PTPRD: variants seen among roughly 807,000 people sequenced by gnomAD.
PTPRD encodes the protein receptor-type tyrosine-protein phosphatase delta.
Under a neutral mutation model 214.5 loss-of-function variants are expected in PTPRD, and 34 were observed. The ratio of observed to expected loss-of-function variants is 0.16; its 90% CI spans 0.12 to 0.21. The LOEUF (loss-of-function observed/expected upper bound fraction) is 0.21. Among genes scored for constraint, PTPRD ranks in the 10% least tolerant of loss-of-function variants. The pLI is 1.00. For synonymous variants in PTPRD, 1,128 were observed against 845.7 expected, an observed-to-expected ratio of 1.33 and a Z score of -5.79; for missense variants, 2,545 against 2,398.7, an observed-to-expected ratio of 1.06 and a Z score of -1.27.
intron 7 of PTPRD, among the ~76,000 whole-genome samples, chr9:9,715,517 G>A (rs771758987): frequency 4.0e-5 from 6 of 151,812 alleles, no homozygotes; most frequent in Non-Finnish European, 8.8e-5. Context: ...AAATTAAGAT[G>A]GACAGTTTTA....
At chr9:9,981,211 T>C (rs912102633) in intron 4 of PTPRD, among the ~76,000 whole-genome samples, 2 of 152,156 alleles carry the variant, frequency 1.3e-5, no homozygotes, top group Non-Finnish European at 2.9e-5. Context: ...CGGCAGCAGG[T>C]AGAAGCAAGT....
At chr9:10,335,781 A>G (rs986803285) in intron 3 of PTPRD, among the ~76,000 whole-genome samples, 2 of 151,844 alleles carry the variant, frequency 1.3e-5, no homozygotes, top group African/African-American at 4.8e-5. Flanking sequence ...AAAATGGGCC[A>G]AAGACATTAA....
chr9:10,597,296 T>C (rs932338543), intron 2 of PTPRD, among the ~76,000 whole-genome samples: 3 of 151,716 alleles, frequency 2.0e-5, no homozygotes, highest in African/African-American at 4.8e-5. Context: ...ACTATCTTTA[T>C]ATCCTATAAT....
chr9:8,873,817 G>A (rs1484462602), intron 11 of PTPRD, among the ~76,000 whole-genome samples: 1 of 152,014 alleles, frequency 6.6e-6, no homozygotes, highest in African/African-American at 2.4e-5. Flanking sequence ...AAGAGAGGGA[G>A]GTAAGACACC....
At chr9:8,367,804 A>G (rs2080339788) in intron 39 of PTPRD, among the ~76,000 whole-genome samples, 1 of 152,218 alleles carries the variant, frequency 6.6e-6, no homozygotes, top group African/African-American at 2.4e-5. Context: ...AAAAGTCAGT[A>G]ACTGTAAACA....
chr9:9,884,462 A>G lies in PTPRD; in HGVS notation c.-368+54045T>C, dbSNP rs140693693. On this transcript the variant is annotated intron_variant, in intron 5 of 45. Coordinates refer to ENST00000381196, the MANE Select transcript of PTPRD (RefSeq NM_002839.4). ...AATATTATAGCAGAGCTCATTGTTT[A>G]CAAACATTTACCACCACCAAACTAA... Among the ~76,000 whole-genome samples the G allele has an allele frequency of 1.7e-3, 253 of 152,264 alleles. 2 individuals carry two copies. The highest frequency in any genetic ancestry group is 6.0e-3 in the African/African-American group (250 of 41,564).
At chr9:9,724,558 T>A (rs544164344) in intron 7 of PTPRD, among the ~76,000 whole-genome samples, 1 of 152,126 alleles carries the variant, frequency 6.6e-6, no homozygotes, top group Non-Finnish European at 1.5e-5. Context: ...AACTGTGAGG[T>A]CTTTACTCAA....
At chr9:10,054,370 T>C (rs12554283) in intron 3 of PTPRD, among the ~76,000 whole-genome samples, 4,846 of 152,256 alleles carry the variant, frequency 0.032, 139 homozygotes, top group Admixed American at 0.093. Context: ...AAGATTTGTT[T>C]TTAAAGATGG....
rs558318170 is a variant in PTPRD, at chr9:9,697,575, TG to T, written c.-287+36957del. ...CCAAAAAAATTGGAAGTCTCTCATA[TG>T]TTTTTTGCTTCTTTTCTCTTGTTGC... is the stretch of plus-strand genomic sequence containing the variant. On this transcript the variant is annotated intron_variant, in intron 7 of 45. Coordinates refer to ENST00000381196, the MANE Select transcript of PTPRD (RefSeq NM_002839.4). Among the ~76,000 whole-genome samples, 1,238 of 152,252 alleles carry T rather than the reference TG, an allele frequency of 8.1e-3. 15 individuals carry two copies. Among genetic ancestry groups the T allele is most frequent in the Non-Finnish European group, 9.9e-3 (670 of 67,988 alleles).
intron 9 of PTPRD, among the ~76,000 whole-genome samples, chr9:9,300,958 A>G (rs1427415817): frequency 2.6e-5 from 4 of 151,758 alleles, no homozygotes. Flanking sequence ...TGGATAATAC[A>G]CTTTTCCCAC....
At chr9:10,210,121 C>A (rs1008099101) in intron 3 of PTPRD, among the ~76,000 whole-genome samples, 1 of 152,058 alleles carries the variant, frequency 6.6e-6, no homozygotes, top group African/African-American at 2.4e-5. Flanking sequence ...AAAAAAATTT[C>A]AACTGAATTA....
intron 3 of PTPRD, among the ~76,000 whole-genome samples, chr9:10,226,599 A>T (rs2154352913): frequency 6.6e-6 from 1 of 152,166 alleles, no homozygotes; most frequent in African/African-American, 2.4e-5. Context: ...ACCAATATGG[A>T]TTTCAAGATG....
At chr9:9,898,091 A>G (rs1032498400) in intron 5 of PTPRD, among the ~76,000 whole-genome samples, 1 of 152,134 alleles carries the variant, frequency 6.6e-6, no homozygotes, top group African/African-American at 2.4e-5. Flanking sequence ...ACATAGAGAA[A>G]CTAAGGAATG....
At chr9:8,332,958 G>C (rs1407193342) in intron 43 of PTPRD, among the ~76,000 whole-genome samples, 1 of 152,096 alleles carries the variant, frequency 6.6e-6, no homozygotes, top group Non-Finnish European at 1.5e-5. Flanking sequence ...AAGGTTCTGG[G>C]TAAGTGAACA....
At chr9:10,286,103 A>G (rs1394621718) in intron 3 of PTPRD, among the ~76,000 whole-genome samples, 1 of 152,216 alleles carries the variant, frequency 6.6e-6, no homozygotes, top group Non-Finnish European at 1.5e-5. Context: ...TGTATTTTTA[A>G]ATCCATACAT....
intron 29 of PTPRD, 95 bp downstream of exon 29, chr9:8,485,132 A>C: frequency 9.6e-7 from 1 of 1,038,398 alleles, no homozygotes. Flanking sequence ...CGTGGCCAAA[A>C]CAAAGTGGTC....
chr9:9,724,556 G>C (rs2098040566), intron 7 of PTPRD, among the ~76,000 whole-genome samples: 1 of 152,072 alleles, frequency 6.6e-6, no homozygotes, highest in South Asian at 2.1e-4. Context: ...TCAACTGTGA[G>C]GTCTTTACTC....
chr9:9,524,735 T>C (rs1274361142), intron 8 of PTPRD, among the ~76,000 whole-genome samples: 2 of 152,264 alleles, frequency 1.3e-5, no homozygotes, highest in Non-Finnish European at 2.9e-5. Flanking sequence ...GAGATTTTAA[T>C]GCTTTTCGAT....
At chr9:10,152,740 G>A (rs1265811098) in intron 3 of PTPRD, among the ~76,000 whole-genome samples, 1 of 152,180 alleles carries the variant, frequency 6.6e-6, no homozygotes, top group Non-Finnish European at 1.5e-5. Context: ...CAGGAGAATA[G>A]CTTGAACCTG....
Sources: gnomAD v4.1 joint callset for allele counts (sites outside exome capture counted in the v4.1 genomes callset) on GRCh38, gnomAD v4.1.1 for gene constraint, MANE v1.5 for transcripts, NCBI Gene and HGNC (gene_info 2026-07-23, HGNC 2026-07-21) for gene names.